The following CLEC16A variants were observed in gnomAD, a reference collection of about 807,000 sequenced individuals.
CLEC16A encodes protein CLEC16A.
CLEC16A carries 51 observed loss-of-function variants against 109.5 expected under a neutral mutation model. The ratio of observed to expected loss-of-function variants is 0.47; its 90% CI spans 0.37 to 0.59. CLEC16A has a LOEUF of 0.59. Among genes scored for constraint, CLEC16A ranks in the 20% least tolerant of loss-of-function variants. The pLI, the probability that CLEC16A is intolerant of heterozygous loss-of-function variation, is 0.00. For synonymous variants in CLEC16A, 673 were observed against 564.2 expected, an observed-to-expected ratio of 1.19 and a Z score of -2.73; for missense variants, 1,339 against 1,394.0, an observed-to-expected ratio of 0.96 and a Z score of 0.63.
intron 10 of CLEC16A, 110 bp from the exon 11 acceptor site, chr16:11,002,964 G>T (rs1222087624): frequency 1.3e-6 from 1 of 781,726 alleles, no homozygotes; most frequent in Non-Finnish European, 2.0e-6. Context: ...TGATATAATG[G>T]TTTCTTTTGG....
At chr16:10,981,940 C>T (rs1463466707) in intron 9 of CLEC16A, among the ~76,000 whole-genome samples, 3 of 152,226 alleles carry the variant, frequency 2.0e-5, no homozygotes, top group Non-Finnish European at 1.5e-5. Context: ...AGGGATGCTG[C>T]TCACCAGCCT....
At chr16:11,006,800 A>C (rs2152762230) in intron 11 of CLEC16A, among the ~76,000 whole-genome samples, 1 of 152,264 alleles carries the variant, frequency 6.6e-6, no homozygotes, top group East Asian at 1.9e-4. Context: ...GTGTGAAATG[A>C]ATGTGCACCC....
At chr16:10,967,446 C>G (rs542737432) in intron 3 of CLEC16A, among the ~76,000 whole-genome samples, 1 of 152,180 alleles carries the variant, frequency 6.6e-6, no homozygotes, top group Non-Finnish European at 1.5e-5. Context: ...GTCGCCTAGG[C>G]TAGTCTCCAG....
intron 8 of CLEC16A, among the ~76,000 whole-genome samples, chr16:10,977,600 G>A (rs148304033): frequency 4.6e-5 from 7 of 152,172 alleles, no homozygotes; most frequent in Admixed American, 1.3e-4. Context: ...TGCAACCTCC[G>A]CCTCCTGAAT....
intron 10 of CLEC16A, 79 bp from the exon 11 acceptor site, chr16:11,002,995 A>T (rs2044758676): frequency 8.4e-7 from 1 of 1,189,602 alleles, no homozygotes. Context: ...CTTAGGACAG[A>T]AACTTTTGGG....
intron 11 of CLEC16A, among the ~76,000 whole-genome samples, chr16:11,008,275 G>A (rs2152765846): frequency 6.6e-6 from 1 of 152,224 alleles, no homozygotes; most frequent in East Asian, 1.9e-4. Flanking sequence ...GAACACAGAG[G>A]GCAACTGAGA....
chr16:11,052,886 TG>T (rs2048023963), intron 18 of CLEC16A, among the ~76,000 whole-genome samples: 2 of 41,840 alleles, frequency 4.8e-5, no homozygotes, highest in African/African-American at 4.6e-4. Flanking sequence ...TTTGCCTTTT[TG>T]TTGTTGTTGT....
At chr16:11,027,343 T>C (rs1433967381) in intron 13 of CLEC16A, 44 of 1,402,396 alleles carry the variant, frequency 3.1e-5, no homozygotes, top group Non-Finnish European at 4.3e-5. Flanking sequence ...CAGAGAACCA[T>C]TGCAAGACTT....
intron 19 of CLEC16A, among the ~76,000 whole-genome samples, chr16:11,099,304 C>T (rs1301393103): frequency 6.6e-6 from 1 of 152,220 alleles, no homozygotes; most frequent in Admixed American, 6.5e-5. Context: ...TCTAACCCTT[C>T]GCTGTCCAAC....
chr16:11,115,452 G>T, intron 19 of CLEC16A, among the ~76,000 whole-genome samples: 1 of 152,084 alleles, frequency 6.6e-6, no homozygotes, highest in East Asian at 1.9e-4. Flanking sequence ...GCTCTCTATA[G>T]CCTCAACCTC....
At chr16:11,131,442 C>A (rs1188570900) in intron 22 of CLEC16A, among the ~76,000 whole-genome samples, 1 of 143,122 alleles carries the variant, frequency 7.0e-6, no homozygotes, top group Non-Finnish European at 1.5e-5. Flanking sequence ...TTGCTCCTCA[C>A]TCTGGGCTCC....
intron 19 of CLEC16A, 119 bp downstream of exon 19, chr16:11,061,141 T>A: frequency 8.2e-7 from 1 of 1,214,870 alleles, no homozygotes; most frequent in Non-Finnish European, 1.1e-6. Flanking sequence ...TGTACTATTA[T>A]TGAGCTGTGA....
At chr16:11,133,601 C>A (rs893880460) in intron 22 of CLEC16A, among the ~76,000 whole-genome samples, 6 of 152,122 alleles carry the variant, frequency 3.9e-5, no homozygotes, top group Non-Finnish European at 8.8e-5. Flanking sequence ...TCCAAAAAGG[C>A]AAAAAGAAAA....
intron 22 of CLEC16A, among the ~76,000 whole-genome samples, chr16:11,150,863 A>G (rs957125294): frequency 2.6e-5 from 4 of 152,114 alleles, no homozygotes; most frequent in East Asian, 3.8e-4. Flanking sequence ...TTTGCTGGCA[A>G]TCTTTGCTAC....
chr16:11,042,658 A>C (rs1019206928), intron 15 of CLEC16A, among the ~76,000 whole-genome samples: 3 of 152,204 alleles, frequency 2.0e-5, no homozygotes, highest in African/African-American at 4.8e-5. Flanking sequence ...TGGTATTACA[A>C]AAGTTTTTTT....
intron 3 of CLEC16A, among the ~76,000 whole-genome samples, chr16:10,965,160 C>G (rs1325521082): frequency 6.6e-6 from 1 of 152,190 alleles, no homozygotes; most frequent in Admixed American, 6.5e-5. Flanking sequence ...TGTCCTGGCA[C>G]CGAAAAGGGT....
intron 11 of CLEC16A, among the ~76,000 whole-genome samples, chr16:11,016,162 G>T (rs1022864329): frequency 6.8e-6 from 1 of 146,682 alleles, no homozygotes; most frequent in African/African-American, 2.5e-5. Context: ...AGCGTTAAAA[G>T]ACCTACTGCC....
chr16:11,036,016 TG>T (rs2046995975), intron 13 of CLEC16A: 1 of 152,368 alleles, frequency 6.6e-6, no homozygotes, highest in African/African-American at 2.4e-5. Context: ...CCGTGTGCTG[TG>T]TGGAATCACC....
At chr16:11,005,706 A>G (rs2044960351) in intron 11 of CLEC16A, among the ~76,000 whole-genome samples, 1 of 152,126 alleles carries the variant, frequency 6.6e-6, no homozygotes, top group African/African-American at 2.4e-5. Context: ...CTCTCCTTAG[A>G]CGGTATCTGT....
Sources: gnomAD v4.1 joint callset for allele counts (sites outside exome capture counted in the v4.1 genomes callset) on GRCh38, gnomAD v4.1.1 for gene constraint, MANE v1.5 for transcripts, NCBI Gene and HGNC (gene_info 2026-07-23, HGNC 2026-07-21) for gene names.